The following PITRM1 variants were observed in gnomAD, a reference collection of about 807,000 sequenced individuals.
The protein encoded by PITRM1 is presequence protease, mitochondrial.
Under a neutral mutation model 129.9 loss-of-function variants are expected in PITRM1, and 100 were observed. That is an observed-to-expected ratio of 0.77 (90% CI 0.65 to 0.91). The LOEUF (loss-of-function observed/expected upper bound fraction) is 0.91. Among genes scored for constraint, PITRM1 ranks in the 40% least tolerant of loss-of-function variants. PITRM1 has a pLI of 0.00. For synonymous variants in PITRM1, 591 were observed against 508.8 expected, an observed-to-expected ratio of 1.16 and a Z score of -2.17; for missense variants, 1,471 against 1,318.3, an observed-to-expected ratio of 1.12 and a Z score of -1.79.
At chr10:3,139,996 A>G (rs1840017424) in intron 24 of PITRM1, among the ~76,000 whole-genome samples, 1 of 152,254 alleles carries the variant, frequency 6.6e-6, no homozygotes, top group South Asian at 2.1e-4. Context: ...AGGCTGTATC[A>G]GCCCCCTCAC....
chr10:3,171,146 TTAAAAAAAAAAAAA>T (rs1437431778), intron 1 of PITRM1, among the ~76,000 whole-genome samples: 1,331 of 36,222 alleles, frequency 0.037, 77 homozygotes, highest in East Asian at 0.24. Context: ...AATCGTTCAA[TTAAAAAAAAAAAAA>T]AAAAAAAAAA....
In PITRM1 at chr10:3,149,626, G is replaced by A; in HGVS notation, c.1866C>T (p.Leu622=). The A allele has an allele frequency of 1.3e-6, 2 of 1,564,354 alleles. No homozygotes were observed. Among genetic ancestry groups the A allele is most frequent in the Non-Finnish European group, 1.7e-6 (2 of 1,158,832 alleles). Residue 622 remains leucine, a synonymous_variant, in exon 16 of 27, where the codon CTC becomes CTT. Coordinates refer to ENST00000224949, the MANE Select transcript of PITRM1 (RefSeq NM_014889.4). ...GGGTATGTTGCGACTCGTACTTGGT[G>A]AGGACGCTGCAGAAGAGGGGCACAT... is the stretch of plus-strand genomic sequence containing the variant. The part of the protein sequence containing the change: ...RPYVPLFCSV[L]TKLGCGLLDY...
chr10:3,172,037 A>C, intron 1 of PITRM1: 1 of 332,206 alleles, frequency 3.0e-6, no homozygotes, highest in Non-Finnish European at 6.1e-6. Flanking sequence ...TGATTTAGCA[A>C]ATTTCAGAAT....
intron 7 of PITRM1, among the ~76,000 whole-genome samples, chr10:3,162,351 A>G (rs1234161163): frequency 2.0e-5 from 3 of 152,174 alleles, no homozygotes; most frequent in Non-Finnish European, 2.9e-5. Context: ...CCAGCAAACA[A>G]ATGAAGAAGT....
chr10:3,143,894 CA>C, intron 22 of PITRM1: 1 of 527,298 alleles, frequency 1.9e-6, no homozygotes, highest in South Asian at 1.7e-5. Flanking sequence ...GGAACCAAAC[CA>C]AACAGCATCA....
chr10:3,151,460 C>T, intron 14 of PITRM1, 97 bp from the exon 15 acceptor site: 1 of 749,618 alleles, frequency 1.3e-6, no homozygotes, highest in Non-Finnish European at 2.3e-6. Context: ...CCAGAATTAG[C>T]CGTCCACGCC....
chr10:3,170,034 C>T (rs140851983), intron 2 of PITRM1, 70 bp downstream of exon 2: 5 of 1,182,818 alleles, frequency 4.2e-6, no homozygotes, highest in East Asian at 2.3e-5. Flanking sequence ...TGAAGGGCTC[C>T]GTACATAGGC....
In PITRM1 at chr10:3,155,664, C is replaced by G. The variant is rs3765101; in HGVS notation, c.1548G>C (p.Gln516His). The change falls in exon 14 of 27, where the codon CAG (glutamine) becomes CAC (histidine). Residue 516 changes from glutamine (Q) to histidine (H), a missense_variant. Physicochemically the swap from Gln to His is conservative, Grantham distance 24. Transcript: ENST00000224949. Reference sequence around the variant, plus strand: ...TCTGCTTGAGCTTCGTGGCTTCCACCTGTGCCTGCTTCTCGTGATACTTGT... The same window carrying G: ...TCTGCTTGAGCTTCGTGGCTTCCACGTGTGCCTGCTTCTCGTGATACTTGT... ...PDDKYHEKQA[Q>H]VEATKLKQKV... The G allele has an allele frequency of 0.074, 119,531 of 1,613,756 alleles. 6,538 individuals carry two copies. The highest frequency in any genetic ancestry group is 0.3 in the East Asian group (13,419 of 44,826).
chr10:3,163,947 C>A, intron 6 of PITRM1, 62 bp from the exon 7 acceptor site: 3 of 1,131,232 alleles, frequency 2.7e-6, no homozygotes, highest in South Asian at 1.6e-5. Flanking sequence ...CGTTACATTA[C>A]TTACAATATA....
At chr10:3,142,597 C>CA (rs1476111521) in intron 23 of PITRM1, among the ~76,000 whole-genome samples, 1 of 152,234 alleles carries the variant, frequency 6.6e-6, no homozygotes, top group Non-Finnish European at 1.5e-5. Flanking sequence ...TGAACACAGC[C>CA]AAGGGGCAGC....
intron 14 of PITRM1, among the ~76,000 whole-genome samples, chr10:3,153,486 G>A (rs1355551094): frequency 1.3e-5 from 2 of 152,154 alleles, no homozygotes; most frequent in African/African-American, 4.8e-5. Context: ...GGGCGTGGTG[G>A]TGGGCATCTG....
chr10:3,158,846 C>T (rs993367541), intron 10 of PITRM1, 68 bp downstream of exon 10: 36 of 1,446,606 alleles, frequency 2.5e-5, no homozygotes, highest in East Asian at 4.6e-5. Flanking sequence ...GGACAGGGTG[C>T]GGAGGTGGAG....
chr10:3,155,425 T>C (rs1400378976), intron 14 of PITRM1, among the ~76,000 whole-genome samples, 166 bp downstream of exon 14: 2 of 152,224 alleles, frequency 1.3e-5, no homozygotes, highest in South Asian at 2.1e-4. Context: ...ACACGGGCGA[T>C]TTTCTGAGAA....
At chr10:3,166,804 G>C (rs1407877705) in intron 3 of PITRM1, 132 bp downstream of exon 3, 1 of 575,176 alleles carries the variant, frequency 1.7e-6, no homozygotes. Flanking sequence ...GCTGTCCTTA[G>C]TGTTAGTGTA....
intron 2 of PITRM1, among the ~76,000 whole-genome samples, 188 bp from the exon 3 acceptor site, chr10:3,167,230 C>T (rs1411153474): frequency 1.3e-5 from 2 of 151,876 alleles, no homozygotes; most frequent in African/African-American, 2.4e-5. Context: ...CAAGGAAAGA[C>T]AGACCTAAAA....
intron 9 of PITRM1, 89 bp from the exon 10 acceptor site, chr10:3,159,131 C>T (rs537265663): frequency 1.6e-5 from 18 of 1,112,480 alleles, no homozygotes; most frequent in African/African-American, 3.2e-5. Context: ...AAAACCACTA[C>T]ACATCTTTCT....
chr10:3,172,046 AT>A (rs1322566903), intron 1 of PITRM1: 1 of 339,288 alleles, frequency 2.9e-6, no homozygotes, highest in Non-Finnish European at 5.9e-6. Flanking sequence ...AAATTTCAGA[AT>A]TATGGGACAG....
At chr10:3,144,023 C>CCACCCAGAGGAAGCAGA in intron 22 of PITRM1, 1 of 566,234 alleles carries the variant, frequency 1.8e-6, no homozygotes, top group African/African-American at 1.9e-5. Flanking sequence ...AGAGCAGTAG[C>CCACCCAGAGGAAGCAGA]CCTCTTCCTG....
chr10:3,151,995 C>T (rs1012090549), intron 14 of PITRM1, among the ~76,000 whole-genome samples: 2 of 152,192 alleles, frequency 1.3e-5, no homozygotes, highest in African/African-American at 4.8e-5. Flanking sequence ...GATCCTCCCA[C>T]CTTGGCCTCC....
Sources: gnomAD v4.1 joint callset for allele counts (sites outside exome capture counted in the v4.1 genomes callset) on GRCh38, gnomAD v4.1.1 for gene constraint, MANE v1.5 for transcripts, NCBI Gene and HGNC (gene_info 2026-07-23, HGNC 2026-07-21) for gene names.